The following PARD3B variants were observed in gnomAD, a reference collection of about 807,000 sequenced individuals.
PARD3B encodes the protein partitioning defective 3 homolog B.
A neutral mutation model predicts 130.2 loss-of-function variants in PARD3B; 103 were observed. The observed-to-expected ratio is 0.79, with a 90% CI of 0.67 to 0.93. PARD3B has a LOEUF of 0.93. Ranked by LOEUF, PARD3B falls within the 40% of genes least tolerant of loss-of-function variation. PARD3B has a pLI of 0.00. For missense variants in PARD3B, 1,609 were observed against 1,499.2 expected (o/e 1.07, Z -1.21); for synonymous variants, 583 against 553.2 (o/e 1.05, Z -0.76).
rs1270356086 is a variant in PARD3B, at chr2:205,279,575, A to G, written c.2186-20955A>G. Among the ~76,000 whole-genome samples the G allele has an allele frequency of 2.0e-5, 3 of 152,192 alleles. No individual in the cohort carries two copies. The East Asian group carries it at 5.8e-4, about 29-fold the overall frequency. On this transcript the variant is annotated intron_variant, in intron 16 of 22. Coordinates refer to ENST00000406610, the MANE Select transcript of PARD3B (RefSeq NM_001302769.2). The stretch of plus-strand genomic sequence containing the variant: ...CATTTAGAACAGAGTTTCTCCTTCA[A>G]TCACTGCTTTTATTTATGAAGTTTA...
At chr2:204,897,091 G>T (rs560500725) in intron 2 of PARD3B, among the ~76,000 whole-genome samples, 1 of 152,078 alleles carries the variant, frequency 6.6e-6, no homozygotes, top group Non-Finnish European at 1.5e-5. Context: ...CCCTTATGTT[G>T]TTCATGGAAA....
At chr2:205,408,812 C>T (rs2046497887) in intron 19 of PARD3B, among the ~76,000 whole-genome samples, 1 of 152,128 alleles carries the variant, frequency 6.6e-6, no homozygotes, top group Non-Finnish European at 1.5e-5. Context: ...ATATCCCTAT[C>T]TTTTGCAGTA....
intron 3 of PARD3B, among the ~76,000 whole-genome samples, chr2:204,980,072 T>G (rs746053993): frequency 2.0e-5 from 3 of 152,296 alleles, no homozygotes; most frequent in Non-Finnish European, 4.4e-5. Context: ...TTTTAACACA[T>G]CTGTCTGACA....
At chr2:204,891,624 T>TA (rs2046449800) in intron 2 of PARD3B, among the ~76,000 whole-genome samples, 2 of 152,268 alleles carry the variant, frequency 1.3e-5, no homozygotes, top group East Asian at 3.9e-4. Flanking sequence ...AATACTGCAG[T>TA]AAAAAGCTTA....
At chr2:205,535,301 A>T (rs527679369) in intron 21 of PARD3B, among the ~76,000 whole-genome samples, 1 of 152,264 alleles carries the variant, frequency 6.6e-6, no homozygotes, top group African/African-American at 2.4e-5. Context: ...GCCCCAGTCA[A>T]TAGGTAGGGA....
intron 20 of PARD3B, among the ~76,000 whole-genome samples, chr2:205,499,184 C>T (rs2050060479): frequency 6.6e-6 from 1 of 152,012 alleles, no homozygotes; most frequent in Non-Finnish European, 1.5e-5. Context: ...AAGGGAGGTG[C>T]TAGCTGAGCA....
chr2:205,073,860 T>A (rs1700885384), intron 4 of PARD3B, among the ~76,000 whole-genome samples: 1 of 152,176 alleles, frequency 6.6e-6, no homozygotes, highest in Non-Finnish European at 1.5e-5. Context: ...TGATCCCCAG[T>A]GTTTTGTAGT....
At chr2:204,792,881 A>G (rs1165417978) in intron 2 of PARD3B, among the ~76,000 whole-genome samples, 4 of 151,858 alleles carry the variant, frequency 2.6e-5, no homozygotes, top group African/African-American at 9.7e-5. Flanking sequence ...GTTACTGAAC[A>G]TAATAATAAG....
chr2:204,868,722 A>G (rs1476207816), intron 2 of PARD3B, among the ~76,000 whole-genome samples: 1 of 152,194 alleles, frequency 6.6e-6, no homozygotes, highest in Non-Finnish European at 1.5e-5. Context: ...TAGATAGGTC[A>G]CGAATGTAGT....
At chr2:205,595,079 T>G (rs556451903) in intron 22 of PARD3B, among the ~76,000 whole-genome samples, 1 of 152,316 alleles carries the variant, frequency 6.6e-6, no homozygotes, top group African/African-American at 2.4e-5. Context: ...GCAGTCCCAA[T>G]ATTCCCATTT....
chr2:205,134,716 T>C (rs2032323461), intron 10 of PARD3B, among the ~76,000 whole-genome samples: 2 of 152,184 alleles, frequency 1.3e-5, no homozygotes, highest in South Asian at 4.1e-4. Flanking sequence ...TACTTATATC[T>C]GGAAGAATTC....
chr2:204,559,995 A>G (rs1278694028), intron 1 of PARD3B, among the ~76,000 whole-genome samples: 1 of 151,602 alleles, frequency 6.6e-6, no homozygotes, highest in African/African-American at 2.4e-5. Flanking sequence ...CAATGAGAAC[A>G]CTTGGACACA....
intron 21 of PARD3B, among the ~76,000 whole-genome samples, chr2:205,521,733 T>C (rs1290228622): frequency 2.0e-5 from 3 of 152,124 alleles, no homozygotes; most frequent in African/African-American, 4.8e-5. Context: ...GTAAGTGAAA[T>C]TGATAAGTAC....
intron 1 of PARD3B, among the ~76,000 whole-genome samples, chr2:204,622,930 G>A (rs1048051922): frequency 2.0e-5 from 3 of 151,970 alleles, no homozygotes; most frequent in Non-Finnish European, 4.4e-5. Context: ...TTCTGTTAAA[G>A]TAAGTGAATA....
At chr2:205,614,705 CA>C (rs1225888883) in intron 22 of PARD3B, among the ~76,000 whole-genome samples, 14 of 130,800 alleles carry the variant, frequency 1.1e-4, no homozygotes, top group Non-Finnish European at 1.5e-4. Context: ...GACTCCCTCT[CA>C]AAAAAAAAAT....
intron 2 of PARD3B, among the ~76,000 whole-genome samples, chr2:204,712,906 G>T (rs909919083): frequency 6.6e-6 from 1 of 151,904 alleles, no homozygotes; most frequent in South Asian, 2.1e-4. Context: ...ATGAATTGTC[G>T]AGTTTTATAT....
chr2:205,180,048 C>T (rs939759612), intron 13 of PARD3B, among the ~76,000 whole-genome samples: 2 of 151,878 alleles, frequency 1.3e-5, no homozygotes, highest in Non-Finnish European at 2.9e-5. Flanking sequence ...TTAGTTAGAA[C>T]AATTTTTACA....
At chr2:204,613,979 G>A (rs1310771323) in intron 1 of PARD3B, among the ~76,000 whole-genome samples, 1 of 151,964 alleles carries the variant, frequency 6.6e-6, no homozygotes, top group African/African-American at 2.4e-5. Context: ...CGTGATTGGT[G>A]GTGGTTTTCC....
At chr2:205,168,622 G>A (rs1173925490) in intron 11 of PARD3B, among the ~76,000 whole-genome samples, 3 of 151,140 alleles carry the variant, frequency 2.0e-5, no homozygotes, top group African/African-American at 7.3e-5. Context: ...GGACATAGAC[G>A]TGCATGTATG....
Sources: gnomAD v4.1 joint callset for allele counts (sites outside exome capture counted in the v4.1 genomes callset) on GRCh38, gnomAD v4.1.1 for gene constraint, MANE v1.5 for transcripts, NCBI Gene and HGNC (gene_info 2026-07-23, HGNC 2026-07-21) for gene names.